PPM1H: variants seen among roughly 807,000 people sequenced by gnomAD.
The protein encoded by PPM1H is protein phosphatase, Mg2+/Mn2+ dependent 1H.
A neutral mutation model predicts 54.9 loss-of-function variants in PPM1H; 27 were observed. The ratio of observed to expected loss-of-function variants is 0.49; its 90% confidence interval spans 0.36 to 0.68. The LOEUF is 0.68. PPM1H is among the 30% of genes least tolerant of loss of function. PPM1H has a pLI of 0.00. For synonymous variants in PPM1H, 305 were observed against 270.8 expected, an observed-to-expected ratio of 1.13 and a Z score of -1.24; for missense variants, 596 against 667.8, an observed-to-expected ratio of 0.89 and a Z score of 1.19.
intron 3 of PPM1H, among the ~76,000 whole-genome samples, chr12:62,801,240 G>T (rs539098103): frequency 1.3e-4 from 20 of 152,082 alleles, no homozygotes; most frequent in Admixed American, 8.5e-4. Flanking sequence ...GCATCAATAT[G>T]AATATAGGAA....
intron 5 of PPM1H, among the ~76,000 whole-genome samples, chr12:62,727,395 AAAGT>A (rs751077549): frequency 1.1e-3 from 161 of 152,282 alleles, no homozygotes; most frequent in Admixed American, 2.6e-3. Context: ...GAAAAAGTTA[AAAGT>A]AAGGCCCATA....
intron 4 of PPM1H, among the ~76,000 whole-genome samples, chr12:62,744,529 T>C (rs61036791): frequency 0.017 from 2,570 of 150,786 alleles, 82 homozygotes; most frequent in African/African-American, 0.06. Flanking sequence ...ATCCATGATA[T>C]AGTAAGTGAG....
At chr12:62,858,824 T>C (rs546253745) in intron 1 of PPM1H, among the ~76,000 whole-genome samples, 40 of 152,204 alleles carry the variant, frequency 2.6e-4, no homozygotes, top group Non-Finnish European at 4.9e-4. Context: ...TTTGGTACAA[T>C]ACAGGAGCTT....
Position 62,711,474 on chromosome 12 carries a change from G to A in PPM1H, c.1073+8697C>T, listed in dbSNP as rs2076206533. On this transcript the variant is annotated intron_variant, in intron 6 of 9. Transcript: ENST00000228705. ...CAAGCCTGTCAAATAGATGGTAAGT[G>A]TCTACAGGGCCTTCTTGGTTAAAAG... is the stretch of plus-strand genomic sequence containing the variant. 3.3e-5 allele frequency among the ~76,000 whole-genome samples: 5 copies of A among 152,176 alleles called. 1 individual carries two copies. In the South Asian group the frequency reaches 1.0e-3, roughly 32 times the overall value.
At chr12:62,902,286 G>A (rs1413801360) in intron 1 of PPM1H, among the ~76,000 whole-genome samples, 1 of 151,718 alleles carries the variant, frequency 6.6e-6, no homozygotes, top group Non-Finnish European at 1.5e-5. Context: ...CCCGGGAGGC[G>A]GAGGTTGCAG....
chr12:62,697,133 C>CTTCTT (rs1555189785), intron 6 of PPM1H, among the ~76,000 whole-genome samples: 1 of 146,486 alleles, frequency 6.8e-6, no homozygotes, highest in African/African-American at 2.5e-5. Context: ...GGTCTGTGTT[C>CTTCTT]TTTTTTTTTT....
chr12:62,814,979 T>C (rs2076857106), intron 2 of PPM1H, among the ~76,000 whole-genome samples: 1 of 152,216 alleles, frequency 6.6e-6, no homozygotes, highest in African/African-American at 2.4e-5. Context: ...GTATCTGCTA[T>C]AGGCATTCCA....
intron 8 of PPM1H, among the ~76,000 whole-genome samples, chr12:62,686,067 G>T (rs547303824): frequency 6.6e-6 from 1 of 152,258 alleles, no homozygotes; most frequent in South Asian, 2.1e-4. Context: ...CCACTCCCAC[G>T]AATGCTGAAG....
chr12:62,750,923 T>C (rs2076439310), intron 4 of PPM1H, among the ~76,000 whole-genome samples: 1 of 152,208 alleles, frequency 6.6e-6, no homozygotes, highest in African/African-American at 2.4e-5. Flanking sequence ...GTATTCTGCT[T>C]CTCTCTAGTG....
intron 1 of PPM1H, among the ~76,000 whole-genome samples, chr12:62,847,646 C>G (rs1417529744): frequency 2.0e-5 from 3 of 152,056 alleles, no homozygotes; most frequent in Non-Finnish European, 4.4e-5. Context: ...ATGACCAGAG[C>G]AAGCCAGTGA....
At chr12:62,876,112 C>A (rs566734080) in intron 1 of PPM1H, among the ~76,000 whole-genome samples, 1 of 152,194 alleles carries the variant, frequency 6.6e-6, no homozygotes, top group Non-Finnish European at 1.5e-5. Flanking sequence ...TGGTAGTGAA[C>A]TTCCTGTCCA....
At chr12:62,890,971 TG>T (rs1197621506) in intron 1 of PPM1H, among the ~76,000 whole-genome samples, 1 of 151,242 alleles carries the variant, frequency 6.6e-6, no homozygotes, top group Non-Finnish European at 1.5e-5. Flanking sequence ...TAGCCGGGCG[TG>T]GTGGTGGGCG....
At chr12:62,807,350 T>TA (rs959298400) in intron 2 of PPM1H, among the ~76,000 whole-genome samples, 2 of 152,214 alleles carry the variant, frequency 1.3e-5, no homozygotes, top group African/African-American at 4.8e-5. Context: ...GATGCTAAGG[T>TA]AGGAGGTAAA....
intron 1 of PPM1H, among the ~76,000 whole-genome samples, chr12:62,886,405 T>A (rs1307364897): frequency 6.6e-6 from 1 of 152,250 alleles, no homozygotes; most frequent in Admixed American, 6.5e-5. Flanking sequence ...TACAATCTCA[T>A]ATAACTGGAT....
intron 5 of PPM1H, 83 bp downstream of exon 5, chr12:62,737,419 G>T: frequency 1.1e-6 from 1 of 903,302 alleles, no homozygotes. Flanking sequence ...CTGCTCCCAT[G>T]TCAGTAGCAA....
At chr12:62,767,551 T>TA (rs1457936859) in intron 4 of PPM1H, among the ~76,000 whole-genome samples, 3 of 152,208 alleles carry the variant, frequency 2.0e-5, no homozygotes, top group Admixed American at 1.3e-4. Flanking sequence ...GGCTTGGGCA[T>TA]AGTCGCAGGG....
At chr12:62,909,494 C>G (rs895341876) in intron 1 of PPM1H, among the ~76,000 whole-genome samples, 2 of 152,182 alleles carry the variant, frequency 1.3e-5, no homozygotes, top group African/African-American at 4.8e-5. Flanking sequence ...TCAAACACAA[C>G]AAGCATATCC....
chr12:62,744,187 A>G (rs2652033), intron 4 of PPM1H, among the ~76,000 whole-genome samples: 136,246 of 146,116 alleles, frequency 0.93, 63,676 homozygotes, highest in East Asian at 1. Flanking sequence ...AAAAAAAAAA[A>G]AGGCCAGGCG....
chr12:62,918,245 C>T (rs756799175), intron 1 of PPM1H, among the ~76,000 whole-genome samples: 28 of 152,310 alleles, frequency 1.8e-4, no homozygotes, highest in Non-Finnish European at 3.5e-4. Context: ...GGTGCCACCC[C>T]AGCACCATGC....
Sources: gnomAD v4.1 joint callset for allele counts (sites outside exome capture counted in the v4.1 genomes callset) on GRCh38, gnomAD v4.1.1 for gene constraint, MANE v1.5 for transcripts, NCBI Gene and HGNC (gene_info 2026-07-23, HGNC 2026-07-21) for gene names.